The following ZMAT3 variants were observed in gnomAD, a reference collection of about 807,000 sequenced individuals.
The protein encoded by ZMAT3 is zinc finger matrin-type protein 3.
A neutral mutation model predicts 32.3 loss-of-function variants in ZMAT3; 17 were observed. That is an observed-to-expected ratio of 0.53 (90% confidence interval 0.36 to 0.79). ZMAT3 has a LOEUF of 0.79. Ranked by LOEUF, ZMAT3 falls within the 30% of genes least tolerant of loss-of-function variation. ZMAT3 has a pLI of 0.00. For synonymous variants in ZMAT3, 120 were observed against 133.1 expected (o/e 0.90, Z 0.68); for missense variants, 329 against 359.7 (o/e 0.91, Z 0.69).
intron 3 of ZMAT3, among the ~76,000 whole-genome samples, chr3:179,029,650 A>T (rs1719073694): frequency 6.6e-6 from 1 of 152,124 alleles, no homozygotes; most frequent in African/African-American, 2.4e-5. Flanking sequence ...ATTTAATGCA[A>T]AAAATTAAGG....
At chr3:179,036,099 C>A (rs1266018511) in intron 2 of ZMAT3, among the ~76,000 whole-genome samples, 1 of 152,102 alleles carries the variant, frequency 6.6e-6, no homozygotes, top group Non-Finnish European at 1.5e-5. Context: ...CAGCAGGGAG[C>A]CTCTGAGGAA....
In ZMAT3 at chr3:179,048,548, T is replaced by C. The variant is rs530789815; in HGVS notation, c.271-17549A>G. ...AAACAATTATCAGCCAAGAACTTTGTATCCAGTGAAACTAAGCTGCATAAA... is the reference window on the plus strand; with the variant it reads ...AAACAATTATCAGCCAAGAACTTTGCATCCAGTGAAACTAAGCTGCATAAA... On this transcript the variant is annotated intron_variant, in intron 2 of 5. Transcript: ENST00000311417. Among the ~76,000 whole-genome samples, 4 of 152,332 alleles carry C rather than the reference T, an allele frequency of 2.6e-5. No homozygotes were observed. The South Asian group carries it at 6.2e-4, about 24-fold the overall frequency.
At chr3:179,030,776 A>G (rs769625152) in intron 3 of ZMAT3, 104 bp downstream of exon 3, 286 of 1,472,812 alleles carry the variant, frequency 1.9e-4, no homozygotes, top group Admixed American at 2.6e-4. Flanking sequence ...TATTTTCCCA[A>G]CTGTACCCTA....
chr3:179,065,786 A>G (rs1190933009), intron 2 of ZMAT3, among the ~76,000 whole-genome samples: 1 of 152,108 alleles, frequency 6.6e-6, no homozygotes, highest in Non-Finnish European at 1.5e-5. Flanking sequence ...TGTGCCTGTA[A>G]TCCCAGCTAC....
At chr3:179,033,950 G>C (rs1719440088) in intron 2 of ZMAT3, among the ~76,000 whole-genome samples, 1 of 152,160 alleles carries the variant, frequency 6.6e-6, no homozygotes, top group African/African-American at 2.4e-5. Flanking sequence ...TTCCACTACA[G>C]CATGATGGCT....
At chr3:179,032,076 C>G (rs1377481057) in intron 2 of ZMAT3, among the ~76,000 whole-genome samples, 9 of 117,656 alleles carry the variant, frequency 7.6e-5, no homozygotes, top group Non-Finnish European at 7.4e-5. Flanking sequence ...CTGCTTGCCG[C>G]CATCTCGGCT....
At chr3:179,034,463 C>T (rs1282255770) in intron 2 of ZMAT3, among the ~76,000 whole-genome samples, 2 of 152,202 alleles carry the variant, frequency 1.3e-5, no homozygotes, top group Non-Finnish European at 2.9e-5. Flanking sequence ...TCTATCAGAC[C>T]TCTAAACTCT....
At chr3:179,040,377 G>A (rs1423272656) in intron 2 of ZMAT3, among the ~76,000 whole-genome samples, 1 of 152,148 alleles carries the variant, frequency 6.6e-6, no homozygotes, top group Admixed American at 6.6e-5. Flanking sequence ...GACTAACAGC[G>A]GATCTCTCGG....
rs139475400 is a variant in ZMAT3 at position 179,050,652 on chromosome 3, A to G, written c.270+16831T>C. 4.4e-3 allele frequency among the ~76,000 whole-genome samples: 670 copies of G among 152,332 alleles called. 5 individuals carry two copies. Among genetic ancestry groups the G allele is most frequent in the African/African-American group, 0.015 (623 of 41,566 alleles). ...TATCACCCTAACACCAAAACCAGGAAAGGATATTCCAAATAAAAGAAAACT... is the reference window on the plus strand; with the variant it reads ...TATCACCCTAACACCAAAACCAGGAGAGGATATTCCAAATAAAAGAAAACT... On this transcript the variant is annotated intron_variant, in intron 2 of 5. Transcript: ENST00000311417.
chr3:179,055,188 T>C (rs532232811), intron 2 of ZMAT3, among the ~76,000 whole-genome samples: 2 of 152,154 alleles, frequency 1.3e-5, no homozygotes, highest in Non-Finnish European at 2.9e-5. Context: ...TTCTGGAGAA[T>C]TGGGACCAAT....
In ZMAT3 at chr3:179,024,260, C is replaced by G. The variant is rs879237427; in HGVS notation, c.*757G>C. Reference sequence around the variant, plus strand: ...GAGTATTTGAATTCAAGAAAATTTGCGCTTCAATGATGGGGAGACATGATA... The same window carrying G: ...GAGTATTTGAATTCAAGAAAATTTGGGCTTCAATGATGGGGAGACATGATA... On this transcript the variant is annotated 3_prime_UTR_variant, in exon 6 of 6. Transcript: ENST00000311417. 2.6e-5 allele frequency: 4 copies of G among 152,018 alleles called. No individual in the cohort carries two copies. The highest frequency in any genetic ancestry group is 9.7e-5 in the African/African-American group (4 of 41,374). The allele number at this position is 152,018 out of a possible 1,614,324, so 9.4% of individuals were successfully genotyped here. A position where few individuals can be genotyped will look rare whatever the true frequency, so the allele number is the denominator to read the frequency against.
chr3:179,063,124 T>C (rs758872478), intron 2 of ZMAT3, among the ~76,000 whole-genome samples: 4 of 152,212 alleles, frequency 2.6e-5, no homozygotes, highest in Non-Finnish European at 4.4e-5. Context: ...CCAAAGCATA[T>C]ATGCCACGTG....
In ZMAT3 at chr3:179,025,084, T is replaced by C. The variant is rs1718794260; in HGVS notation, c.803A>G (p.Lys268Arg). The C allele has an allele frequency of 5.6e-6, 9 of 1,614,224 alleles. No individual in the cohort carries two copies. Among genetic ancestry groups the C allele is most frequent in the Non-Finnish European group, 7.6e-6 (9 of 1,180,046 alleles). Reference protein sequence around the residue: ...EMEFRQHLESKQHKSKVSEQR... With the variant: ...EMEFRQHLESRQHKSKVSEQR... The stretch of plus-strand genomic sequence containing the variant: ...TTCAGACACCTTGCTCTTATGTTGC[T>C]TGCTCTCTAAATGCTGCCGGAATTC... Residue 268 changes from lysine (K) to arginine (R), a missense_variant, in exon 6 of 6, where the codon AAG (lysine) becomes AGG (arginine). Transcript: ENST00000311417.
intron 2 of ZMAT3, among the ~76,000 whole-genome samples, chr3:179,041,057 T>C (rs1436363057): frequency 6.6e-6 from 1 of 152,172 alleles, no homozygotes; most frequent in Admixed American, 6.5e-5. Flanking sequence ...ATGCACCCAA[T>C]ACAGGAGCAC....
intron 5 of ZMAT3, among the ~76,000 whole-genome samples, 186 bp downstream of exon 5, chr3:179,027,237 T>A (rs1293793776): frequency 1.3e-5 from 2 of 152,126 alleles, no homozygotes; most frequent in Admixed American, 6.5e-5. Context: ...ATATATTATT[T>A]ACAACAATAA....
In ZMAT3 at chr3:179,067,708, G is replaced by C. The variant is rs374031199; in HGVS notation, c.45C>G (p.Pro15=). Residue 15 remains proline (P), a synonymous_variant, in exon 2 of 6, where the codon CCC becomes CCG. Transcript: ENST00000311417. ...QHAVLPPPKQ[P]SPSPPMSVAT... The stretch of plus-strand genomic sequence containing the variant: ...CCACTGACATAGGAGGCGAGGGTGA[G>C]GGCTGCTTAGGTGGAGGAAGCACGG... 2.5e-6 allele frequency: 4 copies of C among 1,614,048 alleles called. No homozygotes were observed. In the South Asian group the frequency reaches 3.3e-5, roughly 13 times the overall value.
intron 2 of ZMAT3, among the ~76,000 whole-genome samples, chr3:179,053,898 A>G (rs1720700470): frequency 6.6e-6 from 1 of 152,242 alleles, no homozygotes; most frequent in Admixed American, 6.5e-5. Context: ...TTAAATAACT[A>G]GAACCAGGGA....
intron 2 of ZMAT3, among the ~76,000 whole-genome samples, chr3:179,041,002 T>C (rs1451185574): frequency 6.6e-6 from 1 of 151,422 alleles, no homozygotes; most frequent in Non-Finnish European, 1.5e-5. Context: ...TACATAATGG[T>C]AAAGGGATCA....
chr3:179,041,715 G>A (rs1165993175), intron 2 of ZMAT3, among the ~76,000 whole-genome samples: 5 of 151,988 alleles, frequency 3.3e-5, no homozygotes, highest in Non-Finnish European at 5.9e-5. Context: ...CTAGCAGAAG[G>A]CAAGAAATAA....
Sources: allele counts gnomAD v4.1 joint callset (sites outside exome capture counted in the v4.1 genomes callset), GRCh38; gene constraint gnomAD v4.1.1; transcripts MANE v1.5; gene names NCBI Gene and HGNC (gene_info 2026-07-23, HGNC 2026-07-21).